ZNF407: variants seen among roughly 807,000 people sequenced by gnomAD.
ZNF407 encodes zinc finger protein 407.
In ZNF407, 17 loss-of-function variants were observed where a neutral mutation model predicts 131.2. The ratio of observed to expected loss-of-function variants is 0.13; its 90% CI spans 0.09 to 0.19. The LOEUF (loss-of-function observed/expected upper bound fraction) is 0.19, where lower values mean the gene tolerates loss of function less well. Among genes scored for constraint, ZNF407 ranks in the 10% least tolerant of loss-of-function variants. ZNF407 has a pLI of 1.00. For missense variants in ZNF407, 2,681 were observed against 2,830.6 expected, an observed-to-expected ratio of 0.95 and a Z score of 1.20; for synonymous variants, 1,156 against 1,062.0, an observed-to-expected ratio of 1.09 and a Z score of -1.72.
chr18:74,947,466 G>T (rs1287731299), intron 8 of ZNF407, among the ~76,000 whole-genome samples: 1 of 152,158 alleles, frequency 6.6e-6, no homozygotes, highest in Non-Finnish European at 1.5e-5. Context: ...AACTTCAGTG[G>T]AGTGGGATGT....
chr18:74,677,755 T>G (rs1320403724), intron 3 of ZNF407, among the ~76,000 whole-genome samples: 2 of 152,192 alleles, frequency 1.3e-5, no homozygotes, highest in Non-Finnish European at 2.9e-5. Flanking sequence ...TTGAAGCCCC[T>G]TTGGGTCCAT....
intron 8 of ZNF407, among the ~76,000 whole-genome samples, chr18:74,932,632 A>G (rs984565360): frequency 6.6e-6 from 1 of 152,250 alleles, no homozygotes; most frequent in Non-Finnish European, 1.5e-5. Context: ...TGAGATCTGC[A>G]TATTTACATC....
At chr18:74,806,308 C>G (rs1970108638) in intron 4 of ZNF407, among the ~76,000 whole-genome samples, 1 of 152,202 alleles carries the variant, frequency 6.6e-6, no homozygotes, top group Non-Finnish European at 1.5e-5. Flanking sequence ...CAGTTGTAAA[C>G]TCTCAAGCTT....
chr18:75,005,840 G>A lies in ZNF407; in HGVS notation c.5429-57310G>A, dbSNP rs551583698. On this transcript the variant is annotated intron_variant, in intron 8 of 8. Coordinates refer to ENST00000299687, the MANE Select transcript of ZNF407 (RefSeq NM_017757.3). Reference sequence around the variant, plus strand: ...TGGGATGCTGCCCAGCTTATCGCACGAGAGCTCTTGCTGGTCATGTCTGGT... The same window carrying A: ...TGGGATGCTGCCCAGCTTATCGCACAAGAGCTCTTGCTGGTCATGTCTGGT... 2.3e-3 allele frequency among the ~76,000 whole-genome samples: 354 copies of A among 151,978 alleles called. 1 individual carries two copies. The highest frequency in any genetic ancestry group is 3.4e-3 in the Non-Finnish European group (234 of 67,982).
chr18:74,669,830 A>G (rs761887135), intron 3 of ZNF407, among the ~76,000 whole-genome samples: 1 of 152,266 alleles, frequency 6.6e-6, no homozygotes, highest in African/African-American at 2.4e-5. Context: ...AAGTTGTTAC[A>G]AAAATAATTG....
chr18:75,003,174 G>C (rs769112096), intron 8 of ZNF407, among the ~76,000 whole-genome samples: 1 of 152,212 alleles, frequency 6.6e-6, no homozygotes, highest in Non-Finnish European at 1.5e-5. Flanking sequence ...AAAACCTAAA[G>C]AGAGCTTATC....
intron 4 of ZNF407, among the ~76,000 whole-genome samples, chr18:74,787,023 T>C (rs905983509): frequency 1.3e-5 from 2 of 151,904 alleles, no homozygotes; most frequent in Non-Finnish European, 2.9e-5. Flanking sequence ...GCCAGGCTGG[T>C]CTCAAACTCC....
intron 1 of ZNF407, among the ~76,000 whole-genome samples, chr18:74,606,045 G>T (rs750764318): frequency 3.9e-5 from 6 of 152,172 alleles, no homozygotes; most frequent in Non-Finnish European, 2.9e-5. Context: ...ACGCCAAAGC[G>T]CCCTAACCCT....
chr18:74,633,355 G>C lies in ZNF407; in HGVS notation c.2336G>C (p.Cys779Ser). Residue 779 changes from cysteine (C) to serine (S), a missense_variant, in exon 2 of 9, where the codon TGT becomes TCT. Physicochemically the swap from Cys to Ser is moderately radical, Grantham distance 112. This residue lies in a region of ZNF407 where 1,789 missense variants were observed against 1,748.7 expected (regional missense o/e 1.02). Coordinates refer to ENST00000299687, the MANE Select transcript of ZNF407 (RefSeq NM_017757.3). ...TTTGAAGAATGTATTGAAAGGGTATGTATAGGTGCAAATGATAAAAAAGAA... is the reference window on the plus strand; with the variant it reads ...TTTGAAGAATGTATTGAAAGGGTATCTATAGGTGCAAATGATAAAAAAGAA... ...LSFEECIERVCIGANDKKEEF... is the reference protein window; with the variant it reads ...LSFEECIERVSIGANDKKEEF... 6.2e-7 allele frequency: 1 copy of C among 1,613,942 alleles called. No homozygotes were observed. The highest frequency in any genetic ancestry group is 1.1e-5 in the South Asian group (1 of 91,084).
Position 74,632,957 on chromosome 18 carries a change from A to G in ZNF407, c.1938A>G (p.Pro646=), listed in dbSNP as rs1326951523. 6.2e-7 allele frequency: 1 copy of G among 1,613,554 alleles called. No homozygotes were observed. Among genetic ancestry groups the G allele is most frequent in the Admixed American group, 1.7e-5 (1 of 59,936 alleles). ...AGCATATTAATTCATTGGTTCAACCAAAGACTTTGCAATCATCTAACAGTG... is the reference window on the plus strand; with the variant it reads ...AGCATATTAATTCATTGGTTCAACCGAAGACTTTGCAATCATCTAACAGTG... ...TEKHINSLVQ[P]KTLQSSNSDL... is the part of the protein sequence containing the mutation. The change falls in exon 2 of 9, where the codon CCA becomes CCG. Residue 646 remains proline (P), a synonymous_variant. Coordinates refer to ENST00000299687, the MANE Select transcript of ZNF407 (RefSeq NM_017757.3).
chr18:75,052,926 G>A (rs897656737), intron 8 of ZNF407, among the ~76,000 whole-genome samples: 1 of 152,192 alleles, frequency 6.6e-6, no homozygotes, highest in Non-Finnish European at 1.5e-5. Context: ...TTTCAAACAG[G>A]CTTTTAGTGA....
intron 8 of ZNF407, among the ~76,000 whole-genome samples, chr18:75,005,844 G>GC (rs1484024859): frequency 6.6e-6 from 1 of 151,982 alleles, no homozygotes; most frequent in Non-Finnish European, 1.5e-5. Flanking sequence ...TCGCACGAGA[G>GC]CTCTTGCTGG....
rs764117639 is a variant in ZNF407 at position 74,920,400 on chromosome 18, A to C, written c.5250-114A>C. The C allele has an allele frequency of 4.9e-6, 4 of 821,634 alleles. No individual in the cohort carries two copies. In the East Asian group the frequency reaches 1.1e-4, roughly 23 times the overall value. The allele number at this position is 821,634 out of a possible 1,614,324, so 50.9% of individuals were successfully genotyped here. A position where few individuals can be genotyped will look rare whatever the true frequency, so the allele number is the denominator to read the frequency against. On this transcript the variant is annotated intron_variant, in intron 7 of 8. Transcript: ENST00000299687. ...TATAAGCTAATTATTATATGAGTAC[A>C]GCACTTAAAATAGTACCAAACACAT...
intron 4 of ZNF407, 125 bp from the exon 5 acceptor site, chr18:74,877,072 G>A (rs1185371087): frequency 2.0e-5 from 15 of 761,148 alleles, no homozygotes; most frequent in Non-Finnish European, 3.2e-5. Flanking sequence ...GACAGACCAG[G>A]CCTGCAGTGC....
chr18:74,647,009 T>A (rs571761272), intron 3 of ZNF407, among the ~76,000 whole-genome samples: 1 of 152,348 alleles, frequency 6.6e-6, no homozygotes, highest in South Asian at 2.1e-4. Context: ...CTAAATATTA[T>A]CATTTCTTGG....
chr18:74,659,429 C>T (rs1985617906), intron 3 of ZNF407, among the ~76,000 whole-genome samples: 1 of 152,108 alleles, frequency 6.6e-6, no homozygotes, highest in Non-Finnish European at 1.5e-5. Flanking sequence ...CCTTTGACTT[C>T]AGTTTTACTT....
At chr18:74,899,048 C>G (rs1971489172) in intron 7 of ZNF407, among the ~76,000 whole-genome samples, 1 of 152,148 alleles carries the variant, frequency 6.6e-6, no homozygotes, top group Non-Finnish European at 1.5e-5. Context: ...GATTGTAGGT[C>G]ACATGAGATT....
chr18:74,687,518 AT>A (rs1284098737), intron 3 of ZNF407, among the ~76,000 whole-genome samples: 2 of 152,058 alleles, frequency 1.3e-5, no homozygotes, highest in African/African-American at 2.4e-5. Flanking sequence ...GAGAGAAGAG[AT>A]TTACTATATT....
In ZNF407 at chr18:75,007,458, G is replaced by A. The variant is rs545208078; in HGVS notation, c.5429-55692G>A. On this transcript the variant is annotated intron_variant, in intron 8 of 8. Transcript: ENST00000299687. ...AGTCTAGTCCTCACGACCCTTTTGC[G>A]CTAACAAGTGTGCAGACCCACAACT... is the stretch of plus-strand genomic sequence containing the variant. Among the ~76,000 whole-genome samples, 8 of 152,198 alleles carry A rather than the reference G, an allele frequency of 5.3e-5. No homozygotes were observed. In the East Asian group the frequency reaches 1.2e-3, roughly 22 times the overall value.
Sources: gnomAD v4.1 joint callset for allele counts (sites outside exome capture counted in the v4.1 genomes callset) on GRCh38, gnomAD v4.1.1 for gene constraint, gnomAD v4.1.1 regional missense constraint, MANE v1.5 for transcripts, NCBI Gene and HGNC (gene_info 2026-07-23, HGNC 2026-07-21) for gene names.